GPD2: variants seen among roughly 807,000 people sequenced by gnomAD.
GPD2 encodes glycerol-3-phosphate dehydrogenase, mitochondrial.
GPD2 carries 54 observed loss-of-function variants against 82.4 expected under a neutral mutation model. The ratio of observed to expected loss-of-function variants is 0.66; its 90% CI spans 0.53 to 0.82. GPD2 has a LOEUF of 0.82. GPD2 is among the 40% of genes least tolerant of loss of function. The probability of loss-of-function intolerance (pLI) is 0.00; values close to 1 mark genes in which losing one functional copy is unlikely to be tolerated. For synonymous variants in GPD2, 288 were observed against 306.1 expected, an observed-to-expected ratio of 0.94 and a Z score of 0.62; for missense variants, 748 against 896.2, an observed-to-expected ratio of 0.83 and a Z score of 2.11.
chr2:156,444,526 A>T (rs1378970481), intron 1 of GPD2, among the ~76,000 whole-genome samples: 1 of 152,126 alleles, frequency 6.6e-6, no homozygotes, highest in Non-Finnish European at 1.5e-5. Flanking sequence ...CAGCCTGGCC[A>T]ACGTGGCAAA....
chr2:156,407,058 A>G, the GPD2 span, among the ~76,000 whole-genome samples: 14 of 152,112 alleles, frequency 9.2e-5, no homozygotes, highest in Non-Finnish European at 1.8e-4. Context: ...TAAAAAATAC[A>G]AAAATTAGCC....
chr2:156,433,592 C>T (rs1688346273), upstream of GPD2, among the ~76,000 whole-genome samples: 1 of 152,192 alleles, frequency 6.6e-6, no homozygotes, highest in African/African-American at 2.4e-5. Context: ...AATAATAAAA[C>T]TCTGGTCTCC....
intron 12 of GPD2, 100 bp downstream of exon 12, chr2:156,570,318 C>A: frequency 9.6e-7 from 1 of 1,038,350 alleles, no homozygotes; most frequent in Non-Finnish European, 1.5e-6. Context: ...AGTTTTAATG[C>A]ACATATGTCA....
intron 1 of GPD2, among the ~76,000 whole-genome samples, chr2:156,452,386 C>A (rs1204373570): frequency 6.6e-6 from 1 of 152,244 alleles, no homozygotes; most frequent in Non-Finnish European, 1.5e-5. Context: ...ACCCCGTCTC[C>A]ACCAAAAAAA....
intron 2 of GPD2, among the ~76,000 whole-genome samples, chr2:156,487,438 T>G (rs1363191878): frequency 2.0e-5 from 3 of 152,240 alleles, no homozygotes; most frequent in African/African-American, 7.2e-5. Context: ...TCAACAGTTC[T>G]GCACTGCTGA....
intron 2 of GPD2, among the ~76,000 whole-genome samples, chr2:156,480,436 A>AC (rs1350817404): frequency 6.6e-6 from 1 of 151,514 alleles, no homozygotes; most frequent in Non-Finnish European, 1.5e-5. Flanking sequence ...ACTGTTTAAC[A>AC]CTTTTTTTTT....
chr2:156,508,676 G>A (rs1486058606), intron 3 of GPD2, among the ~76,000 whole-genome samples: 2 of 152,082 alleles, frequency 1.3e-5, no homozygotes, highest in Admixed American at 6.6e-5. Flanking sequence ...AAATAATCTG[G>A]CTCTTAAATA....
chr2:156,531,394 C>A (rs1685853479), intron 6 of GPD2, among the ~76,000 whole-genome samples: 1 of 152,124 alleles, frequency 6.6e-6, no homozygotes, highest in African/African-American at 2.4e-5. Flanking sequence ...CTGTAGCAAC[C>A]CCAGGCTTTG....
At chr2:156,483,191 G>A (rs893246449) in intron 2 of GPD2, among the ~76,000 whole-genome samples, 3 of 151,894 alleles carry the variant, frequency 2.0e-5, no homozygotes, top group African/African-American at 7.2e-5. Context: ...ATCTAATTTA[G>A]GATTTATTTG....
intron 1 of GPD2, among the ~76,000 whole-genome samples, chr2:156,447,155 A>G (rs1281882262): frequency 6.6e-6 from 1 of 152,186 alleles, no homozygotes; most frequent in Non-Finnish European, 1.5e-5. Context: ...ACAAAAACAA[A>G]CAAGACCAAT....
chr2:156,572,043 C>G (rs1394325279), intron 13 of GPD2, among the ~76,000 whole-genome samples: 1 of 152,144 alleles, frequency 6.6e-6, no homozygotes, highest in Non-Finnish European at 1.5e-5. Flanking sequence ...TGTTAACTTG[C>G]AGTCCTTGTT....
chr2:156,504,111 A>G (rs1684694198), intron 3 of GPD2, among the ~76,000 whole-genome samples: 1 of 86,478 alleles, frequency 1.2e-5, no homozygotes, highest in African/African-American at 4.0e-5. Flanking sequence ...GTTTTCTAAT[A>G]TAAACATAGA....
At chr2:156,400,777 A>C in the GPD2 span, among the ~76,000 whole-genome samples, 1 of 152,226 alleles carries the variant, frequency 6.6e-6, no homozygotes, top group Non-Finnish European at 1.5e-5. Flanking sequence ...TGGGGGATGT[A>C]GCTCAGTGGT....
chr2:156,577,015 A>G (rs193229627), intron 13 of GPD2, among the ~76,000 whole-genome samples: 27 of 152,350 alleles, frequency 1.8e-4, no homozygotes, highest in Middle Eastern at 3.4e-3. Context: ...TATATGAGAT[A>G]CACATGCACA....
the GPD2 span, among the ~76,000 whole-genome samples, chr2:156,416,103 A>T: frequency 6.6e-6 from 1 of 151,720 alleles, no homozygotes; most frequent in Non-Finnish European, 1.5e-5. Context: ...AATACACTTA[A>T]TTCATTCCTT....
chr2:156,443,990 A>C (rs1243573595), intron 1 of GPD2, among the ~76,000 whole-genome samples: 1 of 152,244 alleles, frequency 6.6e-6, no homozygotes, highest in East Asian at 1.9e-4. Context: ...ACTTCTGAGC[A>C]TCCCTGCAGC....
chr2:156,418,039 A>C, the GPD2 span, among the ~76,000 whole-genome samples: 2 of 151,080 alleles, frequency 1.3e-5, no homozygotes, highest in African/African-American at 2.4e-5. Context: ...ATATGGTGAA[A>C]CCCCATCTCT....
At chr2:156,473,641 A>G (rs577497814) in intron 1 of GPD2, 10 of 152,240 alleles carry the variant, frequency 6.6e-5, no homozygotes, top group Non-Finnish European at 1.5e-4. Context: ...TTTAAGGTAA[A>G]TAGTAAATAG....
intron 6 of GPD2, among the ~76,000 whole-genome samples, chr2:156,538,914 A>G (rs1459360743): frequency 2.0e-5 from 3 of 152,138 alleles, no homozygotes; most frequent in Non-Finnish European, 2.9e-5. Context: ...TTAAAAAACA[A>G]TATCTGTTAA....
Sources: gnomAD v4.1 joint callset for allele counts (sites outside exome capture counted in the v4.1 genomes callset) on GRCh38, gnomAD v4.1.1 for gene constraint, MANE v1.5 for transcripts, NCBI Gene and HGNC (gene_info 2026-07-23, HGNC 2026-07-21) for gene names.